DENND6B: variants seen among roughly 807,000 people sequenced by gnomAD.
DENND6B encodes DENN domain containing 6B.
In DENND6B, 73 loss-of-function variants were observed where a neutral mutation model predicts 85.1. The ratio of observed to expected loss-of-function variants is 0.86; its 90% CI spans 0.71 to 1.04. The LOEUF is 1.04. DENND6B is among the 50% of genes least tolerant of loss of function. The pLI is 0.00. For synonymous variants in DENND6B, 357 were observed against 329.3 expected (o/e 1.08, Z -0.91); for missense variants, 715 against 785.8 (o/e 0.91, Z 1.08).
rs1225550417 is a variant in DENND6B at position 50,317,926 on chromosome 22, C to T, written c.354G>A (p.Arg118=). The change falls in exon 4 of 20, where the codon AGG becomes AGA. Residue 118 remains arginine, a synonymous_variant. Coordinates refer to ENST00000413817, the MANE Select transcript of DENND6B (RefSeq NM_001001794.4). ...TGCTCACCTGCAGTGCCACAGGGGC[C>T]CTGCTGTTGTAGTGCCTGTCGTCGG... is the stretch of plus-strand genomic sequence containing the variant. ...WHADDRHYNS[R]APVALQREPA... is the part of the protein sequence containing the mutation. The T allele has an allele frequency of 6.8e-6, 11 of 1,608,880 alleles. No individual in the cohort carries two copies. The African/African-American group carries it at 1.2e-4, about 18-fold the overall frequency.
chr22:50,315,075 C>T (rs1312084049), intron 9 of DENND6B, 154 bp from the exon 10 acceptor site: 59 of 1,141,296 alleles, frequency 5.2e-5, no homozygotes, highest in Middle Eastern at 3.0e-4. Context: ...AGATGTGTCT[C>T]GGGTAATCAT....
chr22:50,319,604 G>A (rs2041979185), intron 1 of DENND6B: 1 of 818,736 alleles, frequency 1.2e-6, no homozygotes, highest in Non-Finnish European at 1.5e-6. Flanking sequence ...CCAAGCCAGA[G>A]GGCCCCTCAC....
intron 15 of DENND6B, 53 bp from the exon 16 acceptor site, chr22:50,313,552 A>AAAC: frequency 2.6e-6 from 1 of 389,630 alleles, no homozygotes; most frequent in Non-Finnish European, 3.6e-6. Context: ...CCCCAGCCCC[A>AAAC]TCCCCCGCAG....
rs752672819 is a variant in DENND6B at position 50,318,945 on chromosome 22, C to T, written c.216+20G>A. On this transcript the variant is annotated intron_variant, in intron 2 of 19. Transcript: ENST00000413817. ...ACCCACTCCTGGGTCCTGTCCATTC[C>T]CAAGAGGGCCGGGACTCACCTCCTT... 1.9e-5 allele frequency: 30 copies of T among 1,608,802 alleles called. No homozygotes were observed. Among genetic ancestry groups the T allele is most frequent in the African/African-American group, 6.7e-5 (5 of 74,752 alleles).
At position 50,311,615 on chromosome 22, in the gene DENND6B, G is replaced by A. The variant is rs940159133; in HGVS notation, c.*524C>T. On this transcript the variant is annotated 3_prime_UTR_variant, in exon 20 of 20. Transcript: ENST00000413817. ...AGGTGGGTGTCCAGAGGAGCACCAG[G>A]GGTGGTGAGCAGAGCTCTTCACACT... is the stretch of plus-strand genomic sequence containing the variant. The A allele has an allele frequency of 6.3e-6, 1 of 158,132 alleles. No homozygotes were observed. Among genetic ancestry groups the A allele is most frequent in the African/African-American group, 2.4e-5 (1 of 41,512 alleles). 9.8% of individuals were successfully genotyped at this position (158,132 alleles called of 1,614,324 possible). A position where few individuals can be genotyped will look rare whatever the true frequency, so the allele number is the denominator to read the frequency against.
At chr22:50,316,661 A>G in intron 5 of DENND6B, 186 bp from the exon 6 acceptor site, 1 of 1,511,698 alleles carries the variant, frequency 6.6e-7, no homozygotes, top group South Asian at 1.2e-5. Flanking sequence ...GACAGGAGAA[A>G]ACCCAACACT....
In DENND6B at chr22:50,309,107, G is replaced by A. The variant is rs2068025516; in HGVS notation, c.*3032C>T. On this transcript the variant is annotated 3_prime_UTR_variant, in exon 20 of 20. Transcript: ENST00000413817. ...TAGACTAAAAGGGAGTCTTTAAATA[G>A]CCAGCAGGAAGCTTGAGGGTGAGCA... 1 of 152,278 alleles carries A rather than the reference G, an allele frequency of 6.6e-6. No homozygotes were observed. Among genetic ancestry groups the A allele is most frequent in the African/African-American group, 2.4e-5 (1 of 41,466 alleles). 9.4% of individuals were successfully genotyped at this position (152,278 alleles called of 1,614,324 possible).
intron 15 of DENND6B, 47 bp from the exon 16 acceptor site, chr22:50,313,546 AGCCCCAT>A: frequency 7.3e-6 from 7 of 965,330 alleles, no homozygotes; most frequent in East Asian, 6.4e-5. Context: ...CATGCCCCCC[AGCCCCAT>A]CCCCCGCAGC....
intron 3 of DENND6B, among the ~76,000 whole-genome samples, chr22:50,318,562 G>A (rs954790928): frequency 7.9e-5 from 12 of 152,192 alleles, no homozygotes; most frequent in African/African-American, 2.4e-4. Flanking sequence ...GGGCAGGAGC[G>A]GGAGGGAGGC....
chr22:50,316,597 A>T lies in DENND6B; in HGVS notation c.454-122T>A, dbSNP rs1285950925. The T allele has an allele frequency of 7.1e-6, 11 of 1,540,698 alleles. No homozygotes were observed. In the East Asian group the frequency reaches 2.7e-4, roughly 38 times the overall value. ...CTGGCCCAGGGTAGCACGTCCCACC[A>T]ACTTCACAGGACAGCTGCCCCAGGA... On this transcript the variant is annotated intron_variant, in intron 5 of 19. Coordinates refer to ENST00000413817, the MANE Select transcript of DENND6B (RefSeq NM_001001794.4).
chr22:50,313,952 G>T, intron 13 of DENND6B, 74 bp from the exon 14 acceptor site: 1 of 1,491,570 alleles, frequency 6.7e-7, no homozygotes, highest in Admixed American at 2.2e-5. Context: ...CCACAGAGGA[G>T]CCAGGGTGGG....
At chr22:50,315,918 C>T in intron 8 of DENND6B, 107 bp downstream of exon 8, 2 of 1,574,490 alleles carry the variant, frequency 1.3e-6, no homozygotes, top group Non-Finnish European at 1.7e-6. Context: ...GTTTGACAAC[C>T]CCGCAGGGTG....
rs1384119487 is a variant in DENND6B at position 50,313,831 on chromosome 22, G to C, written c.1186C>G (p.Leu396Val). 6.2e-7 allele frequency: 1 copy of C among 1,612,030 alleles called. No individual in the cohort carries two copies. The highest frequency in any genetic ancestry group is 8.5e-7 in the Non-Finnish European group (1 of 1,179,692). ...TAHLHRDKAL[L>V]KRLLKGVQKK... The stretch of plus-strand genomic sequence containing the variant: ...CCATATACCTTGAGCAGCCGTTTGA[G>C]CAGCGCCTTGTCGCGGTGGAGGTGG... Residue 396 changes from leucine to valine, a missense_variant, in exon 14 of 20, where the codon CTC becomes GTC. Leu to Val is a conservative substitution (Grantham distance 32, BLOSUM62 1). Transcript: ENST00000413817.
chr22:50,317,123 GAGGACAGGGTGGGGGGGCGGCA>G (rs1371775731), intron 5 of DENND6B, 148 bp downstream of exon 5: 4 of 526,288 alleles, frequency 7.6e-6, no homozygotes, highest in Non-Finnish European at 9.9e-6. Flanking sequence ...GGGGGGCGGC[GAGGACAGGGTGGGGGGGCGGCA>G]AGGAGAGCTG....
chr22:50,319,062 G>T, intron 1 of DENND6B, 59 bp from the exon 2 acceptor site: 1 of 1,554,208 alleles, frequency 6.4e-7, no homozygotes, highest in South Asian at 1.2e-5. Context: ...GACACCCCTC[G>T]ACAGCATCTG....
rs1219979963 is a variant in DENND6B at position 50,314,469 on chromosome 22, T to C, written c.1003A>G (p.Asn335Asp). 1 of 1,562,666 alleles carries C rather than the reference T, an allele frequency of 6.4e-7. No homozygotes were observed. Among genetic ancestry groups the C allele is most frequent in the East Asian group, 2.4e-5 (1 of 42,204 alleles). Residue 335 changes from asparagine to aspartate, a missense_variant, in exon 12 of 20, where the codon AAC becomes GAC. Physicochemically the swap from Asn to Asp is conservative, Grantham distance 23 (BLOSUM62 1). Coordinates refer to ENST00000413817, the MANE Select transcript of DENND6B (RefSeq NM_001001794.4). ...TGGAGTGTTTTGATAAAGAAAGGGT[T>C]TGTGACTCCCAGGACCACGTTTGGT... ...APPNVVLGVT[N>D]PFFIKTLQHW...
chr22:50,320,777 G>A (rs1409462853), intron 1 of DENND6B, among the ~76,000 whole-genome samples: 5 of 152,220 alleles, frequency 3.3e-5, no homozygotes, highest in Non-Finnish European at 5.9e-5. Flanking sequence ...CCTTCTGCCT[G>A]GGGTCAGGAC....
intron 5 of DENND6B, 159 bp downstream of exon 5, chr22:50,317,112 TGGGGGGCGGCGAGGACAGGGTG>T: frequency 6.1e-6 from 1 of 164,264 alleles, no homozygotes. Flanking sequence ...GAGGACAGGG[TGGGGGGCGGCGAGGACAGGGTG>T]GGGGGGCGGC....
chr22:50,315,667 C>A, intron 9 of DENND6B, 47 bp downstream of exon 9: 1 of 1,548,296 alleles, frequency 6.5e-7, no homozygotes, highest in Non-Finnish European at 8.7e-7. Context: ...CACGTGCACA[C>A]ACAGTGAGCT....
Sources: gnomAD v4.1 joint callset for allele counts (sites outside exome capture counted in the v4.1 genomes callset) on GRCh38, gnomAD v4.1.1 for gene constraint, MANE v1.5 for transcripts, NCBI Gene and HGNC (gene_info 2026-07-23, HGNC 2026-07-21) for gene names.